Variants in DPP6 observed in about 807,000 individuals in gnomAD.
DPP6 encodes dipeptidyl peptidase like 6.
Under a neutral mutation model 122.6 loss-of-function variants are expected in DPP6, and 69 were observed. The ratio of observed to expected loss-of-function variants is 0.56; its 90% CI spans 0.46 to 0.69. The LOEUF is 0.69. Among genes scored for constraint, DPP6 ranks in the 30% least tolerant of loss-of-function variants. DPP6 has a pLI of 0.00. For missense variants in DPP6, 928 were observed against 1,116.9 expected (o/e 0.83, Z 2.41); for synonymous variants, 418 against 433.1 (o/e 0.97, Z 0.43).
the DPP6 span, among the ~76,000 whole-genome samples, chr7:153,876,384 A>G: frequency 1.6e-5 from 2 of 121,288 alleles, no homozygotes; most frequent in Admixed American, 1.9e-4. Flanking sequence ...GCCCAAATTG[A>G]CCGTATGTTT....
At chr7:154,686,764 A>T (rs565931003) in intron 7 of DPP6, among the ~76,000 whole-genome samples, 2 of 152,252 alleles carry the variant, frequency 1.3e-5, no homozygotes, top group East Asian at 1.9e-4. Flanking sequence ...TAAGTATTTG[A>T]TGTTAGTTTT....
intron 7 of DPP6, among the ~76,000 whole-genome samples, chr7:154,702,566 A>G (rs1840585625): frequency 6.6e-6 from 1 of 152,260 alleles, no homozygotes; most frequent in African/African-American, 2.4e-5. Flanking sequence ...ATCAAACCAG[A>G]TACAGTATTC....
chr7:153,852,216 G>A, the DPP6 span, among the ~76,000 whole-genome samples: 7 of 152,078 alleles, frequency 4.6e-5, no homozygotes, highest in African/African-American at 1.7e-4. Context: ...TCTCTCTTCC[G>A]GCAATCATGC....
At chr7:154,761,909 T>G (rs1210929525) in intron 8 of DPP6, among the ~76,000 whole-genome samples, 4 of 152,100 alleles carry the variant, frequency 2.6e-5, no homozygotes, top group Non-Finnish European at 4.4e-5. Context: ...GTGTCCTCAT[T>G]GTTCAATTCC....
At chr7:154,592,368 C>G (rs1391406057) in intron 5 of DPP6, among the ~76,000 whole-genome samples, 1 of 152,226 alleles carries the variant, frequency 6.6e-6, no homozygotes, top group Non-Finnish European at 1.5e-5. Flanking sequence ...CCTTTTGATT[C>G]CCTCCTGCCA....
intron 6 of DPP6, among the ~76,000 whole-genome samples, chr7:154,661,538 G>A (rs374516093): frequency 3.1e-3 from 63 of 20,516 alleles, no homozygotes; most frequent in South Asian, 6.9e-3. Context: ...TCACCATGGC[G>A]TATTGGCGCT....
intron 1 of DPP6, among the ~76,000 whole-genome samples, chr7:153,968,437 G>A (rs1323842430): frequency 6.6e-6 from 1 of 151,956 alleles, no homozygotes. Flanking sequence ...TAAATTCCTT[G>A]TAGATTGTGG....
At chr7:153,910,837 C>A (rs1279736956) in intron 1 of DPP6, among the ~76,000 whole-genome samples, 2 of 152,178 alleles carry the variant, frequency 1.3e-5, no homozygotes, top group African/African-American at 4.8e-5. Flanking sequence ...CAACAAGCAG[C>A]TCGGGTTTCA....
intron 1 of DPP6, among the ~76,000 whole-genome samples, chr7:154,406,689 C>T (rs11763719): frequency 0.3 from 45,293 of 148,710 alleles, 8,451 homozygotes; most frequent in East Asian, 0.58. Context: ...GCACCATCAG[C>T]CTTCTCCTGG....
At chr7:153,837,965 T>C in the DPP6 span, among the ~76,000 whole-genome samples, 5 of 149,296 alleles carry the variant, frequency 3.3e-5, no homozygotes, top group South Asian at 1.1e-3. Flanking sequence ...TGAGCCACCA[T>C]ACCTCTTTGT....
At chr7:154,310,813 A>G (rs989395183) in intron 1 of DPP6, among the ~76,000 whole-genome samples, 2 of 152,164 alleles carry the variant, frequency 1.3e-5, no homozygotes, top group Non-Finnish European at 2.9e-5. Context: ...CTAATCACTT[A>G]GAGGAATGAA....
the DPP6 span, among the ~76,000 whole-genome samples, chr7:153,801,004 A>T: frequency 3.9e-5 from 6 of 152,082 alleles, no homozygotes; most frequent in African/African-American, 1.4e-4. Context: ...TTACATATCA[A>T]TTTTTTAAAT....
chr7:154,459,471 T>C (rs1453091137), intron 2 of DPP6, among the ~76,000 whole-genome samples: 1 of 152,200 alleles, frequency 6.6e-6, no homozygotes, highest in Non-Finnish European at 1.5e-5. Context: ...TATATGTTTA[T>C]GATCAGAACA....
At chr7:154,834,594 A>G (rs563706696) in intron 16 of DPP6, among the ~76,000 whole-genome samples, 2 of 152,340 alleles carry the variant, frequency 1.3e-5, no homozygotes, top group East Asian at 1.9e-4. Context: ...AAACGACACT[A>G]TTGTTCACAT....
chr7:154,432,041 A>C (rs1370591619), intron 1 of DPP6, among the ~76,000 whole-genome samples: 1 of 152,160 alleles, frequency 6.6e-6, no homozygotes, highest in African/African-American at 2.4e-5. Flanking sequence ...CCTTGGAAGA[A>C]AAAATGGGGG....
the DPP6 span, among the ~76,000 whole-genome samples, chr7:153,778,367 A>C: frequency 0.033 from 4,835 of 148,076 alleles, 30 homozygotes; most frequent in African/African-American, 0.091. Flanking sequence ...AAAAATAAAT[A>C]TAAATGTGTG....
At chr7:154,227,112 A>G (rs1475654168) in intron 1 of DPP6, among the ~76,000 whole-genome samples, 1 of 152,024 alleles carries the variant, frequency 6.6e-6, no homozygotes, top group Admixed American at 6.6e-5. Context: ...GATGTCAAAG[A>G]GATATCTGTA....
intron 1 of DPP6, among the ~76,000 whole-genome samples, chr7:153,945,571 A>G (rs1563035307): frequency 6.6e-6 from 1 of 152,202 alleles, no homozygotes; most frequent in Non-Finnish European, 1.5e-5. Context: ...AATAAGAGGC[A>G]CAGGGTTGGC....
Position 153,989,563 on chromosome 7 carries a change from G to C in DPP6, c.51+101829G>C, listed in dbSNP as rs139392676. On this transcript the variant is annotated intron_variant, in intron 1 of 25. Coordinates refer to the DPP6 transcript ENST00000404039. ...GCCGGACTCCAGCTTCCTTGCCAAC[G>C]TGTGCGGGAAGCAGGACCCCAGCTG... Among the ~76,000 whole-genome samples, 937 of 151,940 alleles carry C rather than the reference G, an allele frequency of 6.2e-3. 1 individual carries two copies. Among genetic ancestry groups the C allele is most frequent in the African/African-American group, 0.021 (869 of 41,406 alleles).
Sources: allele counts gnomAD v4.1 joint callset (sites outside exome capture counted in the v4.1 genomes callset), GRCh38; gene constraint gnomAD v4.1.1; transcripts MANE v1.5; gene names NCBI Gene and HGNC (gene_info 2026-07-23, HGNC 2026-07-21).